The following MAP7D2 variants were observed in gnomAD, a reference collection of about 807,000 sequenced individuals.
MAP7D2 encodes the protein MAP7 domain containing 2.
MAP7D2 carries 33 observed loss-of-function variants against 63.5 expected under a neutral mutation model. The ratio of observed to expected loss-of-function variants is 0.52; its 90% confidence interval spans 0.39 to 0.70. The LOEUF (loss-of-function observed/expected upper bound fraction) is 0.70, where lower values mean the gene tolerates loss of function less well. Ranked by LOEUF, MAP7D2 falls within the 30% of genes least tolerant of loss-of-function variation. The pLI, the probability that MAP7D2 is intolerant of heterozygous loss-of-function variation, is 0.00. For missense variants in MAP7D2, 626 were observed against 604.0 expected (o/e 1.04, Z -0.38); for synonymous variants, 224 against 223.7 (o/e 1.00, Z -0.01).
intron 7 of MAP7D2, 86 bp from the exon 8 acceptor site, chrX:20,042,715 C>A: frequency 9.2e-7 from 1 of 1,086,637 alleles, no homozygotes; most frequent in Non-Finnish European, 1.3e-6. Flanking sequence ...GAACAATGCA[C>A]AGCTTTCTTT....
intron 10 of MAP7D2, among the ~76,000 whole-genome samples, chrX:20,021,120 G>A (rs190217610): frequency 1.6e-3 from 184 of 112,282 alleles, no homozygotes; most frequent in African/African-American, 5.5e-3. Context: ...GGGTGGACCC[G>A]GCGTCTAAGG....
Position 20,015,277 on chromosome X carries a change from G to A in MAP7D2, c.1695C>T (p.Leu565=), listed in dbSNP as rs1281575689. 3 of 1,210,677 alleles carry A rather than the reference G, an allele frequency of 2.5e-6. No individual in the cohort carries two copies. The highest frequency in any genetic ancestry group is 2.2e-5 in the Admixed American group (1 of 45,966). The change falls in exon 12 of 17, where the codon CTC becomes CTT. Residue 565 remains leucine, a synonymous_variant. Coordinates refer to ENST00000379643, the MANE Select transcript of MAP7D2 (RefSeq NM_001168465.2). ...TCTGCAGCATAATCTGTTCTCTCTC[G>A]AGACGCATCTGTTCAGCTACCTCCC... ...KAREVAEQMR[L]EREQIMLQIE...
At chrX:20,100,696 C>G (rs2148530124) in intron 1 of MAP7D2, among the ~76,000 whole-genome samples, 1 of 110,856 alleles carries the variant, frequency 9.0e-6, no homozygotes, top group Non-Finnish European at 1.9e-5. Context: ...AGGAAGGGGC[C>G]ATGAGCCAAG....
At chrX:20,102,053 G>A (rs967718122) in intron 1 of MAP7D2, among the ~76,000 whole-genome samples, 2 of 112,250 alleles carry the variant, frequency 1.8e-5, no homozygotes, top group African/African-American at 6.5e-5. Context: ...TTTGAGAGAA[G>A]TATTGACTAG....
rs1035960871 is a variant in MAP7D2, at chrX:20,094,992, C to T, written c.130+21758G>A. Among the ~76,000 whole-genome samples the T allele has an allele frequency of 4.6e-5, 5 of 108,994 alleles. No individual in the cohort carries two copies. In the East Asian group the frequency reaches 1.5e-3, roughly 32 times the overall value. The allele number at this position is 108,994 out of a possible 115,157, so 94.6% of individuals were successfully genotyped here. A position where few individuals can be genotyped will look rare whatever the true frequency, so the allele number is the denominator to read the frequency against. On this transcript the variant is annotated intron_variant, in intron 1 of 16. Transcript: ENST00000379643. ...TGACTAGGCCGGGCACAGTAGCTCACGCCTGTTTTCCCAGGCAGTGCAGTG... is the reference window on the plus strand; with the variant it reads ...TGACTAGGCCGGGCACAGTAGCTCATGCCTGTTTTCCCAGGCAGTGCAGTG...
intron 7 of MAP7D2, among the ~76,000 whole-genome samples, chrX:20,042,894 C>A (rs767519335): frequency 8.9e-6 from 1 of 111,970 alleles, no homozygotes; most frequent in Admixed American, 9.5e-5. Context: ...AACCATATTA[C>A]GGTCTTAGAC....
intron 1 of MAP7D2, among the ~76,000 whole-genome samples, chrX:20,105,501 A>T (rs2066542929): frequency 9.0e-6 from 1 of 111,564 alleles, no homozygotes. Flanking sequence ...TTCACATCAA[A>T]CCTAGAAAGA....
chrX:20,016,480 G>A (rs1423046000), intron 10 of MAP7D2, among the ~76,000 whole-genome samples, 155 bp from the exon 11 acceptor site: 1 of 112,056 alleles, frequency 8.9e-6, no homozygotes, highest in African/African-American at 3.2e-5. Context: ...CATCCTTCCT[G>A]GAAATCCACT....
At chrX:20,013,678 A>C (rs1194081436) in intron 12 of MAP7D2, 53 bp from the exon 13 acceptor site, 4 of 888,818 alleles carry the variant, frequency 4.5e-6, no homozygotes, top group Non-Finnish European at 6.4e-6. Context: ...TAAGACCAAA[A>C]ACATAAAAGT....
intron 8 of MAP7D2, among the ~76,000 whole-genome samples, chrX:20,041,112 G>A (rs2148270782): frequency 9.0e-6 from 1 of 111,722 alleles, no homozygotes; most frequent in African/African-American, 3.2e-5. Context: ...GACAGAGAGA[G>A]GGTGGAGCCT....
intron 1 of MAP7D2, among the ~76,000 whole-genome samples, chrX:20,074,901 A>G (rs991308472): frequency 9.1e-6 from 1 of 110,436 alleles, no homozygotes; most frequent in Non-Finnish European, 1.9e-5. Flanking sequence ...AAAATACAAA[A>G]AATTAGCTGG....
intron 8 of MAP7D2, among the ~76,000 whole-genome samples, chrX:20,039,204 C>A (rs7886004): frequency 0.39 from 42,900 of 111,095 alleles, 8,234 homozygotes; most frequent in African/African-American, 0.76. Context: ...GCATGTATAC[C>A]CTTACTCTGG....
At chrX:20,095,224 T>C (rs1161847065) in intron 1 of MAP7D2, among the ~76,000 whole-genome samples, 1 of 111,730 alleles carries the variant, frequency 9.0e-6, no homozygotes, top group Non-Finnish European at 1.9e-5. Context: ...GTTTGTTTGT[T>C]TGTTTGTTTG....
chrX:20,046,512 T>A (rs1389584447), intron 6 of MAP7D2, among the ~76,000 whole-genome samples: 1 of 112,458 alleles, frequency 8.9e-6, no homozygotes, highest in African/African-American at 3.2e-5. Flanking sequence ...TAGCTGCAGT[T>A]TGTAATAGAC....
intron 7 of MAP7D2, 42 bp downstream of exon 7, chrX:20,044,320 AAC>A: frequency 1.0e-5 from 12 of 1,162,541 alleles, no homozygotes; most frequent in Non-Finnish European, 1.4e-5. Context: ...CATCAGACAG[AAC>A]ACAGTCTAGA....
chrX:20,065,917 C>CT (rs11323432), intron 1 of MAP7D2, among the ~76,000 whole-genome samples: 102 of 92,254 alleles, frequency 1.1e-3, no homozygotes, highest in East Asian at 6.2e-3. Context: ...GCACACCATT[C>CT]TTTTTTTTTT....
In MAP7D2 at chrX:20,026,697, A is replaced by C. The variant is rs184656263; in HGVS notation, c.1008-745T>G. On this transcript the variant is annotated intron_variant, in intron 8 of 16. Coordinates refer to ENST00000379643, the MANE Select transcript of MAP7D2 (RefSeq NM_001168465.2). ...TGAGGACAAGCCACTTGGTTAAAAC[A>C]CAGGAGCTCGTCTTATGTCTGCTGG... Among the ~76,000 whole-genome samples, 14 of 111,800 alleles carry C rather than the reference A, an allele frequency of 1.3e-4. No individual in the cohort carries two copies. The East Asian group carries it at 3.1e-3, about 25-fold the overall frequency.
At chrX:20,039,034 C>T (rs2064575858) in intron 8 of MAP7D2, among the ~76,000 whole-genome samples, 1 of 112,341 alleles carries the variant, frequency 8.9e-6, no homozygotes, top group South Asian at 3.7e-4. Flanking sequence ...AGGTAAAAGA[C>T]AACGACCTGC....
chrX:20,097,082 T>C (rs2066290571), intron 1 of MAP7D2, among the ~76,000 whole-genome samples: 1 of 111,362 alleles, frequency 9.0e-6, no homozygotes, highest in South Asian at 3.9e-4. Context: ...CACTGTCCCA[T>C]GGAATTTTTT....
Sources: gnomAD v4.1 joint callset for allele counts (sites outside exome capture counted in the v4.1 genomes callset) on GRCh38, gnomAD v4.1.1 for gene constraint, MANE v1.5 for transcripts, NCBI Gene and HGNC (gene_info 2026-07-23, HGNC 2026-07-21) for gene names.